The following CFAP47 variants were observed in gnomAD, a reference collection of about 807,000 sequenced individuals.
The protein encoded by CFAP47 is cilia and flagella associated protein 47.
Under a neutral mutation model 148.1 loss-of-function variants are expected in CFAP47, and 29 were observed. The observed-to-expected ratio is 0.20, with a 90% CI of 0.15 to 0.27. The LOEUF (loss-of-function observed/expected upper bound fraction) is 0.27. CFAP47 is among the 10% of genes least tolerant of loss of function. CFAP47 has a pLI of 1.00. For synonymous variants in CFAP47, 664 were observed against 577.3 expected (o/e 1.15, Z -2.15); for missense variants, 1,872 against 1,697.5 (o/e 1.10, Z -1.81).
intron 37 of CFAP47, among the ~76,000 whole-genome samples, chrX:36,154,934 A>G (rs1939349914): frequency 9.1e-6 from 1 of 110,466 alleles, no homozygotes; most frequent in African/African-American, 3.3e-5. Flanking sequence ...TTGCCATCTT[A>G]GTCCATTCAG....
intron 33 of CFAP47, among the ~76,000 whole-genome samples, chrX:36,135,748 G>A (rs764761151): frequency 1.3e-4 from 14 of 111,772 alleles, no homozygotes; most frequent in Middle Eastern, 4.6e-3. Context: ...ACGTGAAAAT[G>A]TATTCCTCAA....
At chrX:36,093,714 A>G (rs1035263197) in intron 30 of CFAP47, among the ~76,000 whole-genome samples, 5 of 111,506 alleles carry the variant, frequency 4.5e-5, no homozygotes, top group African/African-American at 1.6e-4. Flanking sequence ...AGAAACAAAT[A>G]TTATGCCCAT....
chrX:36,211,497 C>A, intron 45 of CFAP47: 1 of 289,567 alleles, frequency 3.5e-6, no homozygotes, highest in Admixed American at 3.9e-5. Flanking sequence ...TGTAAAGAAA[C>A]TGGGAGGAAT....
At chrX:36,340,673 A>T (rs1337417219) in intron 57 of CFAP47, among the ~76,000 whole-genome samples, 1 of 111,849 alleles carries the variant, frequency 8.9e-6, no homozygotes, top group Non-Finnish European at 1.9e-5. Context: ...ACCTCCAAAT[A>T]CAATCACATT....
chrX:36,078,188 G>T (rs1019752013), intron 29 of CFAP47, among the ~76,000 whole-genome samples: 1 of 111,577 alleles, frequency 9.0e-6, no homozygotes, highest in African/African-American at 3.3e-5. Context: ...TGTTGATTTG[G>T]GGTGGAGAGT....
At chrX:36,149,021 G>T in intron 36 of CFAP47, 87 bp from the exon 37 acceptor site, 22 of 200,334 alleles carry the variant, frequency 1.1e-4, no homozygotes, top group Non-Finnish European at 1.2e-4. Context: ...AAAATCTATT[G>T]CTATCTTTGA....
intron 33 of CFAP47, among the ~76,000 whole-genome samples, chrX:36,133,154 G>T (rs755104835): frequency 9.0e-6 from 1 of 111,092 alleles, no homozygotes; most frequent in Non-Finnish European, 1.9e-5. Context: ...AACTCCTAGT[G>T]GCCACAGTTA....
At chrX:36,139,472 A>T (rs931805286) in intron 35 of CFAP47, among the ~76,000 whole-genome samples, 13 of 111,695 alleles carry the variant, frequency 1.2e-4, no homozygotes, top group Non-Finnish European at 1.9e-4. Context: ...ATGGGGGATA[A>T]AAGGCCTTTA....
At chrX:36,141,467 T>C (rs5973591) in intron 35 of CFAP47, among the ~76,000 whole-genome samples, 11,595 of 110,824 alleles carry the variant, frequency 0.1, 1,201 homozygotes, top group African/African-American at 0.32. Flanking sequence ...ATGGTGTCTG[T>C]CCACATTGAG....
At chrX:35,974,140 T>C (rs748685195) in intron 13 of CFAP47, among the ~76,000 whole-genome samples, 92 of 111,676 alleles carry the variant, frequency 8.2e-4, no homozygotes, top group African/African-American at 3.0e-3. Flanking sequence ...TCGAGAATAA[T>C]AGAATGTTTT....
intron 30 of CFAP47, among the ~76,000 whole-genome samples, chrX:36,096,259 G>T (rs1282811299): frequency 1.8e-5 from 2 of 111,298 alleles, no homozygotes; most frequent in African/African-American, 6.5e-5. Context: ...GACTTGTTTT[G>T]TGACCTAACA....
chrX:35,919,768 A>G lies in CFAP47; in HGVS notation c.-32A>G, dbSNP rs761754289. 5 of 1,184,395 alleles carry G rather than the reference A, an allele frequency of 4.2e-6. No individual in the cohort carries two copies. The highest frequency in any genetic ancestry group is 5.7e-6 in the Non-Finnish European group (5 of 879,005). On this transcript the variant is annotated 5_prime_UTR_variant, in exon 1 of 64. Coordinates refer to ENST00000378653, the MANE Select transcript of CFAP47 (RefSeq NM_001304548.2). ...CGCTAATCCTTGGCCGGACGGATCC[A>G]CATCTGTTTTCTGGCTACCGAGAGG...
chrX:36,208,966 C>G (rs1940070894), intron 45 of CFAP47, among the ~76,000 whole-genome samples: 2 of 111,221 alleles, frequency 1.8e-5, no homozygotes, highest in African/African-American at 6.6e-5. Context: ...AACTCTATCT[C>G]CCCCAAAATA....
chrX:36,181,441 C>T (rs762567199), intron 40 of CFAP47, among the ~76,000 whole-genome samples: 57 of 111,209 alleles, frequency 5.1e-4, no homozygotes, highest in Non-Finnish European at 1.0e-3. Context: ...GAAAGGAAAC[C>T]TTGGAAGTAC....
rs146868000 is a variant in CFAP47, at chrX:36,006,967, G to T, written c.3417+5260G>T. ...ACACGTGGCTATTGTACAATGCAGA[G>T]CATTTTCTTCATGACAGAGTTTCAC... On this transcript the variant is annotated intron_variant, in intron 21 of 63. Coordinates refer to ENST00000378653, the MANE Select transcript of CFAP47 (RefSeq NM_001304548.2). 5.4e-3 allele frequency among the ~76,000 whole-genome samples: 603 copies of T among 111,912 alleles called. 6 individuals carry two copies. The highest frequency in any genetic ancestry group is 0.019 in the African/African-American group (579 of 30,841).
chrX:36,110,659 T>A (rs1356782401), intron 33 of CFAP47, among the ~76,000 whole-genome samples: 1 of 112,011 alleles, frequency 8.9e-6, no homozygotes, highest in Admixed American at 9.5e-5. Flanking sequence ...CCATTGGTAG[T>A]TTTATAGAAA....
intron 42 of CFAP47, among the ~76,000 whole-genome samples, chrX:36,194,792 T>C (rs905914890): frequency 1.6e-4 from 18 of 111,826 alleles, no homozygotes; most frequent in African/African-American, 5.5e-4. Context: ...ACCACCCCCA[T>C]GATCTAATCA....
chrX:36,143,211 T>C (rs1939174215), intron 35 of CFAP47, among the ~76,000 whole-genome samples: 1 of 112,193 alleles, frequency 8.9e-6, no homozygotes, highest in Non-Finnish European at 1.9e-5. Flanking sequence ...TTTCTGTCAG[T>C]CTTTTGCCCA....
chrX:35,924,071 GTATA>G (rs1031153272), intron 1 of CFAP47, among the ~76,000 whole-genome samples: 2 of 83,726 alleles, frequency 2.4e-5, no homozygotes, highest in Non-Finnish European at 4.6e-5. Context: ...GCACATATAT[GTATA>G]TATGTACATG....
Sources: gnomAD v4.1 joint callset for allele counts (sites outside exome capture counted in the v4.1 genomes callset) on GRCh38, gnomAD v4.1.1 for gene constraint, MANE v1.5 for transcripts, NCBI Gene and HGNC (gene_info 2026-07-23, HGNC 2026-07-21) for gene names.